Variants in RHBDF2 observed in about 807,000 individuals in gnomAD.
The protein encoded by RHBDF2 is inactive rhomboid protein 2.
Under a neutral mutation model 95.2 loss-of-function variants are expected in RHBDF2, and 38 were observed. The observed-to-expected ratio is 0.40, with a 90% CI of 0.31 to 0.52. The LOEUF is 0.52. RHBDF2 is among the 20% of genes least tolerant of loss of function. The pLI, the probability that RHBDF2 is intolerant of heterozygous loss-of-function variation, is 0.56. For synonymous variants in RHBDF2, 442 were observed against 462.0 expected, an observed-to-expected ratio of 0.96 and a Z score of 0.55; for missense variants, 863 against 1,137.7, an observed-to-expected ratio of 0.76 and a Z score of 3.47.
At chr17:76,479,961 C>G in intron 3 of RHBDF2, 107 bp from the exon 4 acceptor site, 1 of 1,492,670 alleles carries the variant, frequency 6.7e-7, no homozygotes, top group East Asian at 2.4e-5. Context: ...AACTTCAACC[C>G]TGATTTATGC....
At chr17:76,478,348 T>C (rs893566265) in intron 6 of RHBDF2, among the ~76,000 whole-genome samples, 2 of 152,172 alleles carry the variant, frequency 1.3e-5, no homozygotes, top group Admixed American at 6.5e-5. Context: ...AACGTCTCCT[T>C]GTGTCTTCTG....
intron 1 of RHBDF2, among the ~76,000 whole-genome samples, chr17:76,497,925 C>T (rs1353662666): frequency 6.6e-6 from 1 of 152,188 alleles, no homozygotes; most frequent in Non-Finnish European, 1.5e-5. Flanking sequence ...TCCTGCACTG[C>T]CCACTTGGCT....
chr17:76,480,672 C>A (rs368973728), intron 3 of RHBDF2, among the ~76,000 whole-genome samples: 1 of 152,178 alleles, frequency 6.6e-6, no homozygotes, highest in Admixed American at 6.5e-5. Flanking sequence ...AGGCATGAGG[C>A]GACCTCGCCC....
chr17:76,483,560 C>T (rs2074034161), intron 2 of RHBDF2, among the ~76,000 whole-genome samples: 1 of 152,234 alleles, frequency 6.6e-6, no homozygotes, highest in African/African-American at 2.4e-5. Flanking sequence ...GCTGGGATTA[C>T]AGGTTTCAGC....
intron 2 of RHBDF2, among the ~76,000 whole-genome samples, chr17:76,483,417 C>T (rs1352082502): frequency 1.3e-5 from 2 of 152,166 alleles, no homozygotes; most frequent in Non-Finnish European, 2.9e-5. Flanking sequence ...TCCCAAGAAG[C>T]TCGGATTACG....
chr17:76,474,690 A>G, intron 11 of RHBDF2, 40 bp downstream of exon 11: 1 of 1,613,786 alleles, frequency 6.2e-7, no homozygotes, highest in Non-Finnish European at 8.5e-7. Context: ...GGGCACAGGG[A>G]CTCCTGGCTC....
Position 76,474,782 on chromosome 17 carries a change from T to C in RHBDF2, c.1250A>G (p.Tyr417Cys), listed in dbSNP as rs1184467459. The change falls in exon 11 of 19, where the codon TAC becomes TGC. Residue 417 changes from tyrosine (Y) to cysteine (C), a missense_variant. Physicochemically the swap from Tyr to Cys is radical, Grantham distance 194. Coordinates refer to ENST00000675367, the MANE Select transcript of RHBDF2 (RefSeq NM_001005498.4). The part of the protein sequence containing the change: ...TQLVLRNKGV[Y>C]ESVKYIQQEN... ...CTGCTGGATGTACTTCACGCTCTCGTACACACCTTTGTTCCGCAGCACCTA... is the reference window on the plus strand; with the variant it reads ...CTGCTGGATGTACTTCACGCTCTCGCACACACCTTTGTTCCGCAGCACCTA... 3.1e-6 allele frequency: 5 copies of C among 1,614,140 alleles called. No individual in the cohort carries two copies. The Admixed American group carries it at 8.3e-5, about 27-fold the overall frequency.
At chr17:76,487,011 T>A (rs2074153205) in intron 2 of RHBDF2, among the ~76,000 whole-genome samples, 1 of 137,550 alleles carries the variant, frequency 7.3e-6, no homozygotes, top group African/African-American at 2.7e-5. Context: ...CAGGCTGGAG[T>A]GCAGTGGCAC....
At position 76,481,559 on chromosome 17, in the gene RHBDF2, C is replaced by G. The variant is rs140030695; in HGVS notation, c.-21-14G>C. The G allele has an allele frequency of 6.3e-7, 1 of 1,595,590 alleles. No homozygotes were observed. The highest frequency in any genetic ancestry group is 2.2e-5 in the East Asian group (1 of 44,700). ...GAGGCGGGAGGGCTGGAATGGAGAC[C>G]GGGAGAGCAGCGGTGGGCGGTGCGG... On this transcript the variant is annotated splice_polypyrimidine_tract_variant and intron_variant, in intron 2 of 18. Transcript: ENST00000675367.
intron 2 of RHBDF2, among the ~76,000 whole-genome samples, chr17:76,484,890 T>C (rs2074077892): frequency 6.6e-6 from 1 of 152,070 alleles, no homozygotes; most frequent in African/African-American, 2.4e-5. Flanking sequence ...GTCGGGTTAG[T>C]CACCTGACAA....
In RHBDF2 at chr17:76,474,532, A is replaced by C. The variant is rs796734688; in HGVS notation, c.1305T>G (p.Ile435Met). 3.7e-6 allele frequency: 6 copies of C among 1,614,062 alleles called. No homozygotes were observed. In the African/African-American group the frequency reaches 8.0e-5, roughly 22 times the overall value. Residue 435 changes from isoleucine to methionine, a missense_variant and splice_region_variant, in exon 12 of 19, where the codon ATT becomes ATG. Physicochemically the swap from Ile to Met is conservative, Grantham distance 10. This residue lies in a region of RHBDF2 where 611 missense variants were observed against 725.5 expected (regional missense o/e 0.84). Coordinates refer to ENST00000675367, the MANE Select transcript of RHBDF2 (RefSeq NM_001005498.4). ...ACTTGGCCCCCAGGTGGATCAGGTC[A>C]ATCTGGGGAAGGGAAAGGGAGGGGA... ...QENFWVGPSS[I>M]DLIHLGAKFS...
At chr17:76,484,571 G>A (rs1394234666) in intron 2 of RHBDF2, among the ~76,000 whole-genome samples, 2 of 116,544 alleles carry the variant, frequency 1.7e-5, no homozygotes, top group African/African-American at 5.3e-5. Context: ...TCTACCTGCT[G>A]CCTCAAGCCC....
chr17:76,485,343 G>A (rs1317086930), intron 2 of RHBDF2, among the ~76,000 whole-genome samples: 1 of 151,484 alleles, frequency 6.6e-6, no homozygotes, highest in Admixed American at 6.6e-5. Context: ...CCTGGAAGGT[G>A]GAGTTAGCGG....
In RHBDF2 at chr17:76,471,863, G is replaced by A. The variant is rs1196366389; in HGVS notation, c.2254C>T (p.Leu752=). 6.3e-7 allele frequency: 1 copy of A among 1,589,460 alleles called. No homozygotes were observed. Among genetic ancestry groups the A allele is most frequent in the East Asian group, 2.3e-5 (1 of 43,908 alleles). ...IAHIFGFLSG[L]LLAFAFLPYI... ...GGCAGGAAGGCGAAGGCCAGCAGCA[G>A]GCCACTGAGGAAGCCGAAGATGTGG... Residue 752 remains leucine (L), a synonymous_variant, in exon 19 of 19, where the codon CTG becomes TTG. Transcript: ENST00000675367.
chr17:76,481,803 A>T (rs1042434308), intron 2 of RHBDF2: 8 of 239,288 alleles, frequency 3.3e-5, no homozygotes, highest in Non-Finnish European at 5.8e-5. Context: ...AAATACAAAA[A>T]ATTAGCTAGG....
At chr17:76,494,053 G>A (rs1305157793) in intron 1 of RHBDF2, among the ~76,000 whole-genome samples, 1 of 152,184 alleles carries the variant, frequency 6.6e-6, no homozygotes, top group Non-Finnish European at 1.5e-5. Flanking sequence ...ACAGACACGG[G>A]AAGCGGGTGC....
chr17:76,482,110 G>A (rs1005500717), intron 2 of RHBDF2, among the ~76,000 whole-genome samples: 3 of 151,942 alleles, frequency 2.0e-5, no homozygotes, highest in African/African-American at 7.3e-5. Context: ...TTTGCATCCC[G>A]GACCATATGG....
chr17:76,495,620 C>T (rs931969982), intron 1 of RHBDF2, among the ~76,000 whole-genome samples: 7 of 152,120 alleles, frequency 4.6e-5, no homozygotes, highest in Non-Finnish European at 8.8e-5. Flanking sequence ...AAGCACCTTG[C>T]CCAGTGCCAC....
In RHBDF2 at chr17:76,473,082, A is replaced by C; in HGVS notation, c.1833T>G (p.Cys611Trp). 6.2e-7 allele frequency: 1 copy of C among 1,614,058 alleles called. No individual in the cohort carries two copies. The highest frequency in any genetic ancestry group is 8.5e-7 in the Non-Finnish European group (1 of 1,179,944). The stretch of plus-strand genomic sequence containing the variant: ...CAGGGTTGAGGAAGGGCAGCAGCCC[A>C]CACACCTTGTCCAAGCAGTGCACCT... ...CSQVHCLDKV[C>W]GLLPFLNPEV... Residue 611 changes from cysteine (C) to tryptophan (W), a missense_variant, in exon 17 of 19, where the codon TGT becomes TGG. Physicochemically the swap from Cys to Trp is radical, Grantham distance 215. Transcript: ENST00000675367.
Sources: gnomAD v4.1 joint callset for allele counts (sites outside exome capture counted in the v4.1 genomes callset) on GRCh38, gnomAD v4.1.1 for gene constraint, gnomAD v4.1.1 regional missense constraint, MANE v1.5 for transcripts, NCBI Gene and HGNC (gene_info 2026-07-23, HGNC 2026-07-21) for gene names.